Variants in BCAT1 observed in about 807,000 individuals in gnomAD.
The protein encoded by BCAT1 is branched chain amino acid transaminase 1, also known as branched-chain-amino-acid aminotransferase, cytosolic.
BCAT1 carries 48 observed loss-of-function variants against 52.4 expected under a neutral mutation model. The observed-to-expected ratio is 0.92, with a 90% CI of 0.73 to 1.16. The LOEUF (loss-of-function observed/expected upper bound fraction) is 1.16. BCAT1 is among the 50% of genes most tolerant of loss of function. BCAT1 has a pLI of 0.00. For missense variants in BCAT1, 451 were observed against 457.1 expected, an observed-to-expected ratio of 0.99 and a Z score of 0.12; for synonymous variants, 167 against 161.3, an observed-to-expected ratio of 1.04 and a Z score of -0.27.
At chr12:24,868,964 A>G (rs1228976412) in intron 5 of BCAT1, among the ~76,000 whole-genome samples, 2 of 152,366 alleles carry the variant, frequency 1.3e-5, no homozygotes, top group East Asian at 1.9e-4. Context: ...ATTTATACCT[A>G]GAATATACAA....
At chr12:24,892,036 C>T (rs1002272476) in intron 3 of BCAT1, among the ~76,000 whole-genome samples, 3 of 151,674 alleles carry the variant, frequency 2.0e-5, no homozygotes, top group African/African-American at 2.4e-5. Flanking sequence ...GTATTACAGG[C>T]GTGAGCCACC....
intron 6 of BCAT1, among the ~76,000 whole-genome samples, chr12:24,847,324 C>T (rs1219792188): frequency 2.0e-5 from 3 of 152,196 alleles, no homozygotes; most frequent in African/African-American, 7.2e-5. Context: ...ATGCCTCACA[C>T]CAGAGTGGTA....
chr12:24,824,292 C>A (rs10771129), intron 10 of BCAT1, among the ~76,000 whole-genome samples: 87,844 of 135,540 alleles, frequency 0.65, 27,322 homozygotes, highest in East Asian at 0.83. Flanking sequence ...CCCTCCCTCC[C>A]TCCCTCCCTC....
rs889795416 is a variant in BCAT1 at position 24,902,210 on chromosome 12, T to C, written c.7-325A>G. 8.4e-6 allele frequency: 12 copies of C among 1,424,990 alleles called. No homozygotes were observed. The South Asian group carries it at 1.1e-4, about 13-fold the overall frequency. 88.3% of individuals were successfully genotyped at this position (1,424,990 alleles called of 1,614,324 possible). Reference sequence around the variant, plus strand: ...AACAAAAAAACAATTGTCTCCCTTATATCCGAGCAAATAGTCTAGACTGGG... The same window carrying C: ...AACAAAAAAACAATTGTCTCCCTTACATCCGAGCAAATAGTCTAGACTGGG... On this transcript the variant is annotated intron_variant, in intron 1 of 10. Transcript: ENST00000261192.
At chr12:24,922,963 T>A (rs1237019769) in intron 1 of BCAT1, among the ~76,000 whole-genome samples, 2 of 151,870 alleles carry the variant, frequency 1.3e-5, no homozygotes, top group Non-Finnish European at 2.9e-5. Context: ...CCCAGAGTCC[T>A]CTCCCAGTGG....
intron 1 of BCAT1, among the ~76,000 whole-genome samples, chr12:24,914,325 T>C (rs1272037533): frequency 1.3e-5 from 2 of 152,132 alleles, no homozygotes; most frequent in East Asian, 3.8e-4. Context: ...TCAAGCAATT[T>C]GCCCACCTCA....
rs1028895454 is a variant in BCAT1, at chr12:24,908,300, G to A, written c.7-6415C>T. ...AAAGAGATTGGATCAATGCTTTCCA[G>A]TAGAACTTTCTGTGCTGATGGAAAC... On this transcript the variant is annotated intron_variant, in intron 1 of 10. Coordinates refer to ENST00000261192, the MANE Select transcript of BCAT1 (RefSeq NM_005504.7). Among the ~76,000 whole-genome samples the A allele has an allele frequency of 5.3e-5, 8 of 152,328 alleles. 1 individual carries two copies. Among genetic ancestry groups the A allele is most frequent in the African/African-American group, 1.9e-4 (8 of 41,562 alleles).
chr12:24,936,419 T>C (rs370590521), intron 1 of BCAT1, among the ~76,000 whole-genome samples: 1 of 152,106 alleles, frequency 6.6e-6, no homozygotes, highest in African/African-American at 2.4e-5. Flanking sequence ...ATTTAGTACA[T>C]ACAGGGTTTC....
At chr12:24,830,248 A>T (rs973953674) in intron 9 of BCAT1, 1 of 180,148 alleles carries the variant, frequency 5.6e-6, no homozygotes, top group African/African-American at 2.3e-5. Flanking sequence ...AGATTCTGAG[A>T]ATCTGTAAGG....
At chr12:24,821,554 C>T (rs1566551666) in intron 10 of BCAT1, among the ~76,000 whole-genome samples, 1 of 152,184 alleles carries the variant, frequency 6.6e-6, no homozygotes, top group Non-Finnish European at 1.5e-5. Flanking sequence ...TCAAGACCTT[C>T]CTCCCATCTC....
At position 24,864,190 on chromosome 12, in the gene BCAT1, C is replaced by T. The variant is rs577008280; in HGVS notation, c.511-14241G>A. On this transcript the variant is annotated intron_variant, in intron 5 of 10. Transcript: ENST00000261192. The stretch of plus-strand genomic sequence containing the variant: ...TTCTCTAAGTGACAAGAAAATGCTA[C>T]AGGATGGTTATTATCGCACCAGGAA... Among the ~76,000 whole-genome samples the T allele has an allele frequency of 2.6e-5, 4 of 152,206 alleles. No homozygotes were observed. The South Asian group carries it at 8.3e-4, about 32-fold the overall frequency.
At chr12:24,897,924 G>GA (rs939347969) in intron 2 of BCAT1, among the ~76,000 whole-genome samples, 6 of 150,826 alleles carry the variant, frequency 4.0e-5, no homozygotes, top group African/African-American at 1.5e-4. Context: ...TTCTCTACTT[G>GA]AAAAAAAAAT....
chr12:24,903,191 C>T, intron 1 of BCAT1: 1 of 1,145,338 alleles, frequency 8.7e-7, no homozygotes, highest in Non-Finnish European at 1.1e-6. Context: ...CTCCAACCGT[C>T]TCGTCCCAGT....
rs553292325 is a variant in BCAT1 at position 24,902,486 on chromosome 12, G to A, written c.7-601C>T. The A allele has an allele frequency of 1.4e-4, 101 of 707,610 alleles. No homozygotes were observed. In the African/African-American group the frequency reaches 1.8e-3, roughly 12 times the overall value. The allele number at this position is 707,610 out of a possible 1,614,324, so 43.8% of individuals were successfully genotyped here. On this transcript the variant is annotated intron_variant, in intron 1 of 10. Transcript: ENST00000261192. The stretch of plus-strand genomic sequence containing the variant: ...AAAACCTGCAGACATTTGTTTTAAT[G>A]CGTAATCTGCTAAATAACTACGGGG...
At chr12:24,936,725 A>ATCTCTCTCTCTCTCTCTCTCTCTCT (rs1943761039) in intron 1 of BCAT1, among the ~76,000 whole-genome samples, 2 of 100,264 alleles carry the variant, frequency 2.0e-5, no homozygotes, top group Non-Finnish European at 4.1e-5. Context: ...TCTCTCTCTC[A>ATCTCTCTCTCTCTCTCTCTCTCTCT]CACACACACA....
intron 1 of BCAT1, among the ~76,000 whole-genome samples, chr12:24,930,389 A>G (rs527660340): frequency 4.6e-4 from 70 of 152,292 alleles, no homozygotes; most frequent in African/African-American, 1.6e-3. Context: ...CACATAGTTC[A>G]TGACGTCTTT....
rs1433274217 is a variant in BCAT1, at chr12:24,855,596, G to A, written c.511-5647C>T. Among the ~76,000 whole-genome samples the A allele has an allele frequency of 5.9e-5, 9 of 152,088 alleles. No individual in the cohort carries two copies. The East Asian group carries it at 1.7e-3, about 29-fold the overall frequency. On this transcript the variant is annotated intron_variant, in intron 5 of 10. Coordinates refer to ENST00000261192, the MANE Select transcript of BCAT1 (RefSeq NM_005504.7). ...GGGTTTCACCATGTTGGCCAGGCTG[G>A]TCTCAAATCCCTGACCTCAAGTGAT...
At chr12:24,895,321 T>A (rs1942934490) in intron 2 of BCAT1, among the ~76,000 whole-genome samples, 1 of 152,090 alleles carries the variant, frequency 6.6e-6, no homozygotes, top group Admixed American at 6.5e-5. Flanking sequence ...GGTTTGGAGA[T>A]TGAGACCATC....
Position 24,817,900 on chromosome 12 carries a change from A to G in BCAT1, c.*108T>C. On this transcript the variant is annotated 3_prime_UTR_variant, in exon 11 of 11. Coordinates refer to ENST00000261192, the MANE Select transcript of BCAT1 (RefSeq NM_005504.7). ...GTAACACATTGATACTACAAACTAC[A>G]TTATGCACAGGTAGCCAAAGAAATC... 3 of 1,166,586 alleles carry G rather than the reference A, an allele frequency of 2.6e-6. No individual in the cohort carries two copies. The highest frequency in any genetic ancestry group is 1.9e-5 in the Admixed American group (1 of 51,618). The allele number at this position is 1,166,586 out of a possible 1,614,324, so 72.3% of individuals were successfully genotyped here.
Sources: gnomAD v4.1 joint callset for allele counts (sites outside exome capture counted in the v4.1 genomes callset) on GRCh38, gnomAD v4.1.1 for gene constraint, MANE v1.5 for transcripts, NCBI Gene and HGNC (gene_info 2026-07-23, HGNC 2026-07-21) for gene names.